ENTREP2: variants seen among roughly 807,000 people sequenced by gnomAD.
The protein encoded by ENTREP2 is protein ENTREP2.
chr15:29,477,386 C>T, the ENTREP2 span, among the ~76,000 whole-genome samples: 75,108 of 151,738 alleles, frequency 0.49, 19,369 homozygotes, highest in African/African-American at 0.66. Context: ...GTGCAGTTCT[C>T]TGCATGTATG....
chr15:29,620,409 AGCTTGTGGTGCCT>A, the ENTREP2 span, among the ~76,000 whole-genome samples: 8 of 152,072 alleles, frequency 5.3e-5, no homozygotes, highest in African/African-American at 9.7e-5. Flanking sequence ...TGGGCTGTGA[AGCTTGTGGTGCCT>A]GCACTGACAT....
the ENTREP2 span, among the ~76,000 whole-genome samples, chr15:29,564,820 T>C: frequency 1.3e-5 from 2 of 152,052 alleles, no homozygotes; most frequent in Non-Finnish European, 2.9e-5. Flanking sequence ...AATAAAGGAG[T>C]GGGGAGAGAG....
At chr15:29,526,455 C>T in the ENTREP2 span, among the ~76,000 whole-genome samples, 1 of 150,878 alleles carries the variant, frequency 6.6e-6, no homozygotes, top group Non-Finnish European at 1.5e-5. Flanking sequence ...TTAATCTCCC[C>T]CTGTACAGAG....
the ENTREP2 span, chr15:29,136,969 C>T: frequency 3.0e-6 from 4 of 1,320,056 alleles, no homozygotes; most frequent in African/African-American, 4.7e-5. Context: ...ACTGCAACTC[C>T]CACCACCCGG....
the ENTREP2 span, among the ~76,000 whole-genome samples, chr15:29,496,521 C>T: frequency 1.3e-5 from 2 of 152,062 alleles, no homozygotes; most frequent in African/African-American, 4.8e-5. Flanking sequence ...AAAAAGCTCT[C>T]AACCATTTAT....
At chr15:29,552,715 T>G in the ENTREP2 span, among the ~76,000 whole-genome samples, 1 of 152,174 alleles carries the variant, frequency 6.6e-6, no homozygotes, top group African/African-American at 2.4e-5. Context: ...GAAAATGATA[T>G]GTTACACGTC....
At chr15:29,318,453 T>C in the ENTREP2 span, among the ~76,000 whole-genome samples, 1,139 of 152,224 alleles carry the variant, frequency 7.5e-3, 5 homozygotes, top group Middle Eastern at 0.027. Context: ...CCCGAGTAGC[T>C]GGGACTACAG....
chr15:29,556,762 G>GA, the ENTREP2 span, among the ~76,000 whole-genome samples: 103 of 38,948 alleles, frequency 2.6e-3, 1 homozygote, highest in Admixed American at 5.1e-3. Context: ...CCATGCAGGT[G>GA]CCCCCCCCCC....
the ENTREP2 span, among the ~76,000 whole-genome samples, chr15:29,300,571 T>G: frequency 6.6e-6 from 1 of 152,298 alleles, no homozygotes; most frequent in Non-Finnish European, 1.5e-5. Context: ...CCAAGATTTA[T>G]TATGAGAAGG....
At chr15:29,528,171 T>C in the ENTREP2 span, among the ~76,000 whole-genome samples, 2 of 152,060 alleles carry the variant, frequency 1.3e-5, no homozygotes, top group East Asian at 1.9e-4. Context: ...GATGGCATTA[T>C]ACCAAAATTC....
At chr15:29,270,182 T>C in the ENTREP2 span, among the ~76,000 whole-genome samples, 1 of 152,122 alleles carries the variant, frequency 6.6e-6, no homozygotes, top group East Asian at 1.9e-4. Context: ...AAAACATTTA[T>C]TTCTACACAA....
the ENTREP2 span, among the ~76,000 whole-genome samples, chr15:29,343,032 G>GGT: frequency 6.8e-6 from 1 of 146,116 alleles, no homozygotes; most frequent in Admixed American, 6.8e-5. Context: ...AGGAATGGGG[G>GGT]GGGTGGTTCT....
chr15:29,586,212 G>A, the ENTREP2 span, among the ~76,000 whole-genome samples: 1 of 152,076 alleles, frequency 6.6e-6, no homozygotes, highest in South Asian at 2.1e-4. Context: ...AAAAAAGCCA[G>A]TCACAAAAGG....
chr15:29,182,869 C>G, the ENTREP2 span, among the ~76,000 whole-genome samples: 1 of 152,084 alleles, frequency 6.6e-6, no homozygotes, highest in South Asian at 2.1e-4. Flanking sequence ...AAATAGACAT[C>G]TTCAAATATA....
the ENTREP2 span, among the ~76,000 whole-genome samples, chr15:29,141,938 C>T: frequency 6.6e-6 from 1 of 152,176 alleles, no homozygotes; most frequent in South Asian, 2.1e-4. Flanking sequence ...CAGGGTGAGG[C>T]CTGTGTTCAT....
chr15:29,136,471 TG>T, the ENTREP2 span: 1 of 1,548,482 alleles, frequency 6.5e-7, no homozygotes, highest in Non-Finnish European at 8.7e-7. Flanking sequence ...AAGTGCCGAA[TG>T]GAGACGGAGC....
the ENTREP2 span, among the ~76,000 whole-genome samples, chr15:29,237,698 C>T: frequency 2.6e-5 from 4 of 152,250 alleles, no homozygotes; most frequent in East Asian, 1.9e-4. Context: ...AACCCTCACG[C>T]GTTGCTGCTG....
At chr15:29,229,963 T>TA in the ENTREP2 span, among the ~76,000 whole-genome samples, 49,787 of 150,112 alleles carry the variant, frequency 0.33, 9,501 homozygotes, top group East Asian at 0.6. Flanking sequence ...AACTTAACAT[T>TA]AAAAAAAAAA....
At chr15:29,147,122 G>A in the ENTREP2 span, among the ~76,000 whole-genome samples, 1 of 152,184 alleles carries the variant, frequency 6.6e-6, no homozygotes, top group African/African-American at 2.4e-5. Flanking sequence ...CAGGGTGGGA[G>A]AGAAATTTAC....
Sources: gnomAD v4.1 joint callset for allele counts (sites outside exome capture counted in the v4.1 genomes callset) on GRCh38, gnomAD v4.1.1 for gene constraint, MANE v1.5 for transcripts, NCBI Gene and HGNC (gene_info 2026-07-23, HGNC 2026-07-21) for gene names.